Variants in ADAMTS17 observed in about 807,000 individuals in gnomAD.
The protein encoded by ADAMTS17 is ADAM metallopeptidase with thrombospondin type 1 motif 17.
ADAMTS17 carries 113 observed loss-of-function variants against 141.5 expected under a neutral mutation model. The ratio of observed to expected loss-of-function variants is 0.80; its 90% CI spans 0.69 to 0.93. The LOEUF (loss-of-function observed/expected upper bound fraction) is 0.93. ADAMTS17 is among the 40% of genes least tolerant of loss of function. ADAMTS17 has a pLI of 0.00. For missense variants in ADAMTS17, 1,659 were observed against 1,517.9 expected (o/e 1.09, Z -1.54); for synonymous variants, 768 against 630.6 (o/e 1.22, Z -3.27).
intron 15 of ADAMTS17, among the ~76,000 whole-genome samples, chr15:100,059,196 A>G (rs987894408): frequency 3.3e-5 from 5 of 152,178 alleles, no homozygotes; most frequent in African/African-American, 9.7e-5. Flanking sequence ...CACAATCACA[A>G]CTTGTTTGAG....
At chr15:100,006,890 C>T (rs2061046622) in intron 18 of ADAMTS17, among the ~76,000 whole-genome samples, 1 of 152,206 alleles carries the variant, frequency 6.6e-6, no homozygotes, top group Non-Finnish European at 1.5e-5. Context: ...GGGTGGCAAA[C>T]ACCGCCCAAG....
At chr15:100,212,488 T>C (rs896563547) in intron 7 of ADAMTS17, among the ~76,000 whole-genome samples, 3 of 152,202 alleles carry the variant, frequency 2.0e-5, no homozygotes, top group African/African-American at 4.8e-5. Context: ...TGTGTATTTC[T>C]TGCAAGAAGC....
chr15:100,012,871 T>C (rs1424695760), intron 18 of ADAMTS17, among the ~76,000 whole-genome samples: 1 of 152,210 alleles, frequency 6.6e-6, no homozygotes, highest in Non-Finnish European at 1.5e-5. Flanking sequence ...ATGCAGGCTC[T>C]TTTTTGGTTC....
At chr15:100,124,829 A>G (rs1337103756) in intron 12 of ADAMTS17, among the ~76,000 whole-genome samples, 1 of 152,214 alleles carries the variant, frequency 6.6e-6, no homozygotes, top group African/African-American at 2.4e-5. Flanking sequence ...CTGCAGAACA[A>G]GGACCGTCTC....
At chr15:100,151,734 C>G (rs932193094) in intron 10 of ADAMTS17, among the ~76,000 whole-genome samples, 10 of 152,210 alleles carry the variant, frequency 6.6e-5, no homozygotes, top group Admixed American at 3.3e-4. Flanking sequence ...AGGTGGACCA[C>G]AGGCTCCTGG....
At chr15:100,296,273 T>A (rs1023190957) in intron 3 of ADAMTS17, among the ~76,000 whole-genome samples, 6 of 151,998 alleles carry the variant, frequency 3.9e-5, no homozygotes, top group Non-Finnish European at 5.9e-5. Flanking sequence ...TTTTTTTTTT[T>A]AACAAAAGCA....
intron 10 of ADAMTS17, among the ~76,000 whole-genome samples, chr15:100,133,587 A>G (rs765892478): frequency 3.3e-5 from 5 of 152,138 alleles, no homozygotes; most frequent in Non-Finnish European, 5.9e-5. Flanking sequence ...GGCCTAGGAG[A>G]TATCAGAGGC....
Position 100,130,482 on chromosome 15 carries a change from T to C in ADAMTS17, c.1721+1525A>G, listed in dbSNP as rs534474597. Among the ~76,000 whole-genome samples the C allele has an allele frequency of 2.6e-5, 4 of 152,286 alleles. No individual in the cohort carries two copies. In the East Asian group the frequency reaches 7.7e-4, roughly 29 times the overall value. On this transcript the variant is annotated intron_variant, in intron 12 of 21. Coordinates refer to ENST00000268070, the MANE Select transcript of ADAMTS17 (RefSeq NM_139057.4). Reference sequence around the variant, plus strand: ...AATTAATACATAATGCCAATTCTTATAGCATTGCTGGGAAAATGGTGCTCC... The same window carrying C: ...AATTAATACATAATGCCAATTCTTACAGCATTGCTGGGAAAATGGTGCTCC...
intron 9 of ADAMTS17, among the ~76,000 whole-genome samples, chr15:100,153,123 A>G (rs2039265931): frequency 6.6e-6 from 1 of 152,206 alleles, no homozygotes; most frequent in Admixed American, 6.5e-5. Flanking sequence ...CTTTGAGCAA[A>G]AACTATCATG....
intron 8 of ADAMTS17, among the ~76,000 whole-genome samples, chr15:100,158,020 C>G (rs2039515366): frequency 6.6e-6 from 1 of 152,116 alleles, no homozygotes; most frequent in Non-Finnish European, 1.5e-5. Flanking sequence ...TCCCGAATAG[C>G]TGGGACTAGA....
rs76266042 is a variant in ADAMTS17 at position 100,268,313 on chromosome 15, C to G, written c.790-5878G>C. On this transcript the variant is annotated intron_variant, in intron 4 of 21. Transcript: ENST00000268070. ...TGATCTATACGCCTTTGGGTGTATA[C>G]TCAGTAATGGGATTGCTGGGTCAAA... 7.2e-4 allele frequency among the ~76,000 whole-genome samples: 109 copies of G among 152,270 alleles called. 1 individual carries two copies. Among genetic ancestry groups the G allele is most frequent in the African/African-American group, 2.6e-3 (106 of 41,536 alleles).
chr15:100,221,277 AC>A (rs969061500), intron 7 of ADAMTS17, among the ~76,000 whole-genome samples: 1 of 123,754 alleles, frequency 8.1e-6, no homozygotes, highest in African/African-American at 3.7e-5. Context: ...AATAAACTTC[AC>A]TTTTTTTTTT....
chr15:99,987,589 A>T (rs2060615397), intron 20 of ADAMTS17, among the ~76,000 whole-genome samples: 1 of 152,226 alleles, frequency 6.6e-6, no homozygotes, highest in African/African-American at 2.4e-5. Context: ...GCTGGACAGC[A>T]AAGATGACAC....
intron 15 of ADAMTS17, among the ~76,000 whole-genome samples, chr15:100,096,117 T>G (rs189897199): frequency 2.0e-5 from 3 of 152,330 alleles, no homozygotes; most frequent in Admixed American, 2.0e-4. Context: ...TTCATGGACC[T>G]CAGGCTAAGT....
rs148300144 is a variant in ADAMTS17, at chr15:99,993,901, G to A, written c.2797-701C>T. On this transcript the variant is annotated intron_variant, in intron 19 of 21. Coordinates refer to ENST00000268070, the MANE Select transcript of ADAMTS17 (RefSeq NM_139057.4). This position sits in a 1 kb window ranked among gnomAD's most constrained non-coding sequence, Gnocchi z 4.3. ...GACCTGGGCAGGGCCTGGGGGTGAT[G>A]AATGATGTGCCTGCCCTCAAGAGTT... Among the ~76,000 whole-genome samples, 4 of 152,280 alleles carry A rather than the reference G, an allele frequency of 2.6e-5. No homozygotes were observed. Among genetic ancestry groups the A allele is most frequent in the East Asian group, 3.9e-4 (2 of 5,170 alleles).
At position 99,972,594 on chromosome 15, in the gene ADAMTS17, T is replaced by G. The variant is rs2060233451; in HGVS notation, c.*1808A>C. 6.6e-6 allele frequency: 1 copy of G among 151,960 alleles called. No homozygotes were observed. Among genetic ancestry groups the G allele is most frequent in the African/African-American group, 2.4e-5 (1 of 41,452 alleles). The allele number at this position is 151,960 out of a possible 1,614,324, so 9.4% of individuals were successfully genotyped here. On this transcript the variant is annotated 3_prime_UTR_variant, in exon 22 of 22. Coordinates refer to ENST00000268070, the MANE Select transcript of ADAMTS17 (RefSeq NM_139057.4). ...AAAATGGGAATTCATGGGAGTCTGC[T>G]GGTGGCCAGGCCTGAAGGGGAGGAC...
chr15:100,266,962 G>A (rs896779810), intron 4 of ADAMTS17, among the ~76,000 whole-genome samples: 1 of 152,146 alleles, frequency 6.6e-6, no homozygotes, highest in African/African-American at 2.4e-5. Context: ...AAATCAATCT[G>A]AGTAGAATCA....
intron 2 of ADAMTS17, among the ~76,000 whole-genome samples, chr15:100,331,619 G>C (rs1014401989): frequency 2.0e-5 from 3 of 152,118 alleles, no homozygotes; most frequent in African/African-American, 7.2e-5. Flanking sequence ...GCCAGGGGAG[G>C]ACCTGGTTTG....
chr15:100,238,469 C>T (rs533114436), intron 7 of ADAMTS17, among the ~76,000 whole-genome samples: 1 of 152,330 alleles, frequency 6.6e-6, no homozygotes, highest in South Asian at 2.1e-4. Flanking sequence ...TAGAGTTTTA[C>T]TGAGTATGAA....
Sources: gnomAD v4.1 joint callset for allele counts (sites outside exome capture counted in the v4.1 genomes callset) on GRCh38, gnomAD v4.1.1 for gene constraint, Gnocchi (gnomAD v3.1) non-coding constraint, MANE v1.5 for transcripts, NCBI Gene and HGNC (gene_info 2026-07-23, HGNC 2026-07-21) for gene names.